RASGEF1C: variants seen among roughly 807,000 people sequenced by gnomAD.
RASGEF1C encodes the protein ras-GEF domain-containing family member 1C.
In RASGEF1C, 27 loss-of-function variants were observed where a neutral mutation model predicts 58.1. That is an observed-to-expected ratio of 0.46 (90% CI 0.34 to 0.64). RASGEF1C has a LOEUF of 0.64. Ranked by LOEUF, RASGEF1C falls within the 30% of genes least tolerant of loss-of-function variation. The probability of loss-of-function intolerance (pLI) is 0.01; values close to 1 mark genes in which losing one functional copy is unlikely to be tolerated. For synonymous variants in RASGEF1C, 243 were observed against 246.3 expected (o/e 0.99, Z 0.13); for missense variants, 502 against 605.1 (o/e 0.83, Z 1.79).
rs750232399 is a variant in RASGEF1C, at chr5:180,132,348, C to T, written c.439-3738G>A. Among the ~76,000 whole-genome samples, 6 of 152,232 alleles carry T rather than the reference C, an allele frequency of 3.9e-5. No homozygotes were observed. The East Asian group carries it at 7.7e-4, about 20-fold the overall frequency. ...CCGACGGTGGCCTGGGCGGCAGCCA[C>T]GGCTCTCCAGGTGCCTCCAAGCTCT... On this transcript the variant is annotated intron_variant, in intron 4 of 13. Coordinates refer to ENST00000361132, the MANE Select transcript of RASGEF1C (RefSeq NM_175062.4).
At chr5:180,121,445 G>C (rs367990766) in intron 6 of RASGEF1C, among the ~76,000 whole-genome samples, 99 of 152,052 alleles carry the variant, frequency 6.5e-4, no homozygotes, top group South Asian at 3.1e-3. Context: ...TCCCGAGTAG[G>C]TGGGACTACA....
At chr5:180,162,599 A>G (rs1766958938) in intron 1 of RASGEF1C, among the ~76,000 whole-genome samples, 1 of 152,210 alleles carries the variant, frequency 6.6e-6, no homozygotes, top group African/African-American at 2.4e-5. Flanking sequence ...TCCACATTTG[A>G]TCAACAAGCT....
chr5:180,165,348 G>T (rs1169675672), intron 1 of RASGEF1C, among the ~76,000 whole-genome samples: 1 of 152,134 alleles, frequency 6.6e-6, no homozygotes, highest in Non-Finnish European at 1.5e-5. Flanking sequence ...TCATGGCAAT[G>T]ATTTTCTTTT....
intron 1 of RASGEF1C, among the ~76,000 whole-genome samples, chr5:180,148,778 T>A (rs949187796): frequency 9.2e-5 from 14 of 152,250 alleles, no homozygotes; most frequent in African/African-American, 2.7e-4. Context: ...CCAGCTTTTA[T>A]AATTGCCCAT....
chr5:180,206,136 CA>C (rs1255973321), intron 1 of RASGEF1C, among the ~76,000 whole-genome samples: 14 of 152,182 alleles, frequency 9.2e-5, no homozygotes, highest in African/African-American at 3.1e-4. Flanking sequence ...AGCCCAGAAA[CA>C]GGCCCAGGGC....
chr5:180,147,268 AT>A (rs57314989), intron 1 of RASGEF1C, among the ~76,000 whole-genome samples: 139,863 of 151,500 alleles, frequency 0.92, 65,579 homozygotes, highest in East Asian at 1. Context: ...GGCTTTTTAA[AT>A]TTTTTTCTAT....
At chr5:180,126,213 A>C (rs373880773) in intron 6 of RASGEF1C, among the ~76,000 whole-genome samples, 110 of 152,232 alleles carry the variant, frequency 7.2e-4, no homozygotes, top group East Asian at 1.2e-3. Context: ...CGAGACCATC[A>C]TGGCTTACAC....
intron 1 of RASGEF1C, among the ~76,000 whole-genome samples, chr5:180,182,227 AAAAAG>A (rs1320166197): frequency 6.7e-6 from 1 of 148,932 alleles, no homozygotes; most frequent in Non-Finnish European, 1.5e-5. Context: ...AAAAAAAAAA[AAAAAG>A]AATGAAGCCA....
chr5:180,127,484 C>T, intron 6 of RASGEF1C, 125 bp downstream of exon 6: 1 of 856,078 alleles, frequency 1.2e-6, no homozygotes, highest in Non-Finnish European at 1.7e-6. Flanking sequence ...GCAGGGCCCC[C>T]CGAGCCCACC....
chr5:180,113,228 CAGGGGATGGA>C (rs1765995046), intron 11 of RASGEF1C, among the ~76,000 whole-genome samples: 13 of 59,124 alleles, frequency 2.2e-4, no homozygotes, highest in Middle Eastern at 0.015. Flanking sequence ...GACGGAGGGA[CAGGGGATGGA>C]CGGAGGGACC....
intron 12 of RASGEF1C, among the ~76,000 whole-genome samples, chr5:180,110,169 G>A (rs962752552): frequency 2.6e-5 from 4 of 152,124 alleles, no homozygotes. Context: ...TACTGCAGGA[G>A]AGGCTTAGAG....
chr5:180,109,877 G>A (rs1179748998), intron 12 of RASGEF1C, among the ~76,000 whole-genome samples: 1 of 151,926 alleles, frequency 6.6e-6, no homozygotes, highest in Non-Finnish European at 1.5e-5. Context: ...AACTCATTTC[G>A]GCCCTCTGGT....
chr5:180,154,705 C>T (rs571605445), intron 1 of RASGEF1C, among the ~76,000 whole-genome samples: 24 of 152,144 alleles, frequency 1.6e-4, no homozygotes, highest in South Asian at 4.2e-4. Context: ...CTCAGCCTCC[C>T]GAGTAGCTGG....
chr5:180,191,642 C>T (rs1453281307), intron 1 of RASGEF1C, among the ~76,000 whole-genome samples: 2 of 152,230 alleles, frequency 1.3e-5, no homozygotes, highest in East Asian at 3.9e-4. Flanking sequence ...AGGCGTGAGC[C>T]ACCGCGCCCG....
Position 180,131,244 on chromosome 5 carries a change from G to A in RASGEF1C, c.439-2634C>T, listed in dbSNP as rs781100716. 5.9e-5 allele frequency among the ~76,000 whole-genome samples: 9 copies of A among 152,214 alleles called. No homozygotes were observed. The South Asian group carries it at 8.3e-4, about 14-fold the overall frequency. ...CTTGTGCAAAGATAGGAGCCCTGGC[G>A]TGACTCTGAGGCTCCGAGGTCAGCT... is the stretch of plus-strand genomic sequence containing the variant. On this transcript the variant is annotated intron_variant, in intron 4 of 13. Transcript: ENST00000361132.
At chr5:180,174,971 T>C (rs1357710042) in intron 1 of RASGEF1C, among the ~76,000 whole-genome samples, 1 of 152,074 alleles carries the variant, frequency 6.6e-6, no homozygotes, top group Non-Finnish European at 1.5e-5. Flanking sequence ...AGAGTGGGTT[T>C]AGGGTTGCCA....
chr5:180,206,941 C>T (rs976058461), intron 1 of RASGEF1C, among the ~76,000 whole-genome samples: 7 of 152,252 alleles, frequency 4.6e-5, no homozygotes, highest in African/African-American at 1.7e-4. Flanking sequence ...GGTGTGGGAA[C>T]AAGGAAGAAG....
rs545722886 is a variant in RASGEF1C, at chr5:180,118,654, G to A, written c.1038C>T (p.Arg346=). ...CCGTCAGGGAGCGGTGGGCCGCCCC[G>A]CGCAGGGCTGTCCTGTAGTTGCAGA... The part of the protein sequence containing the change: ...GNFCNYRTAL[R]GAAHRSLTAH... The change falls in exon 10 of 14, where the codon CGC becomes CGT. Residue 346 remains arginine, a synonymous_variant. Transcript: ENST00000361132. 49 of 1,613,870 alleles carry A rather than the reference G, an allele frequency of 3.0e-5. 1 individual carries two copies. Among genetic ancestry groups the A allele is most frequent in the South Asian group, 2.6e-4 (24 of 91,048 alleles).
chr5:180,101,635 T>G, intron 13 of RASGEF1C, 110 bp from the exon 14 acceptor site: 1 of 1,367,168 alleles, frequency 7.3e-7, no homozygotes. Flanking sequence ...GCCAGCCTCC[T>G]GCCCCAGAGG....
Sources: gnomAD v4.1 joint callset for allele counts (sites outside exome capture counted in the v4.1 genomes callset) on GRCh38, gnomAD v4.1.1 for gene constraint, MANE v1.5 for transcripts, NCBI Gene and HGNC (gene_info 2026-07-23, HGNC 2026-07-21) for gene names.